Variants in NRIP1 observed in about 807,000 individuals in gnomAD.
The protein encoded by NRIP1 is nuclear receptor interacting protein 1.
NRIP1 carries 28 observed loss-of-function variants against 75.0 expected under a neutral mutation model. The ratio of observed to expected loss-of-function variants is 0.37; its 90% CI spans 0.28 to 0.51. The LOEUF is 0.51. Among genes scored for constraint, NRIP1 ranks in the 20% least tolerant of loss-of-function variants. The pLI is 0.92. For missense variants in NRIP1, 1,435 were observed against 1,343.7 expected (o/e 1.07, Z -1.06); for synonymous variants, 526 against 487.6 (o/e 1.08, Z -1.04).
intron 2 of NRIP1, among the ~76,000 whole-genome samples, chr21:15,022,728 T>C (rs2088408678): frequency 6.6e-6 from 1 of 152,202 alleles, no homozygotes; most frequent in African/African-American, 2.4e-5. Context: ...TAAAATGCAG[T>C]GTAGCCACTA....
chr21:15,004,879 C>T (rs754446434), intron 3 of NRIP1, among the ~76,000 whole-genome samples: 2 of 152,120 alleles, frequency 1.3e-5, no homozygotes, highest in Admixed American at 6.5e-5. Context: ...AATAAAGAAG[C>T]ACTTTACTCA....
intron 3 of NRIP1, among the ~76,000 whole-genome samples, chr21:15,012,839 C>G (rs2088140696): frequency 6.6e-6 from 1 of 152,060 alleles, no homozygotes; most frequent in Admixed American, 6.5e-5. Flanking sequence ...AGATGGCTAC[C>G]TATAATTTAC....
intron 3 of NRIP1, among the ~76,000 whole-genome samples, chr21:14,994,452 C>G (rs1024740709): frequency 2.0e-5 from 3 of 151,994 alleles, no homozygotes; most frequent in African/African-American, 7.2e-5. Flanking sequence ...TGAGTGCTAT[C>G]TAACTTTTTT....
intron 1 of NRIP1, among the ~76,000 whole-genome samples, chr21:15,055,926 C>T (rs118052084): frequency 0.026 from 3,977 of 151,356 alleles, 78 homozygotes; most frequent in Non-Finnish European, 0.039. Context: ...TCACATGGAT[C>T]CCCTGGCAAT....
At chr21:15,008,735 A>G (rs1191694962) in intron 3 of NRIP1, among the ~76,000 whole-genome samples, 7 of 152,256 alleles carry the variant, frequency 4.6e-5, no homozygotes. Context: ...GTGAATTGCC[A>G]TAATACAGCA....
At chr21:14,969,451 A>G (rs530794570) in intron 3 of NRIP1, among the ~76,000 whole-genome samples, 10 of 152,220 alleles carry the variant, frequency 6.6e-5, no homozygotes, top group Non-Finnish European at 1.5e-4. Flanking sequence ...ATTATCTAAG[A>G]AGAGACCAAA....
intron 1 of NRIP1, among the ~76,000 whole-genome samples, chr21:15,045,903 C>A (rs918036408): frequency 2.6e-5 from 4 of 152,182 alleles, no homozygotes; most frequent in Non-Finnish European, 5.9e-5. Flanking sequence ...ACTCCTCATC[C>A]GTCCATGTTT....
rs2086626526 is a variant in NRIP1 at position 14,962,820 on chromosome 21, T to C, written c.*1896A>G. On this transcript the variant is annotated 3_prime_UTR_variant, in exon 4 of 4. Coordinates refer to ENST00000318948, the MANE Select transcript of NRIP1 (RefSeq NM_003489.4). ...AATAACCATTTAGGGTTTTAGATCATATTAGGAAATCACACCTATTTTTAA... is the reference window on the plus strand; with the variant it reads ...AATAACCATTTAGGGTTTTAGATCACATTAGGAAATCACACCTATTTTTAA... 1 of 152,622 alleles carries C rather than the reference T, an allele frequency of 6.6e-6. No individual in the cohort carries two copies. The highest frequency in any genetic ancestry group is 1.9e-4 in the East Asian group (1 of 5,188). The allele number at this position is 152,622 out of a possible 1,614,324, so 9.5% of individuals were successfully genotyped here. A position where few individuals can be genotyped will look rare whatever the true frequency, so the allele number is the denominator to read the frequency against.
At chr21:15,029,888 A>T (rs944876379) in intron 2 of NRIP1, among the ~76,000 whole-genome samples, 3 of 152,230 alleles carry the variant, frequency 2.0e-5, no homozygotes, top group Non-Finnish European at 4.4e-5. Context: ...GAGAGTCTGC[A>T]GAGATGAGCA....
At chr21:14,978,429 A>G (rs1261013169) in intron 3 of NRIP1, among the ~76,000 whole-genome samples, 1 of 152,210 alleles carries the variant, frequency 6.6e-6, no homozygotes, top group Non-Finnish European at 1.5e-5. Context: ...TAATGCCCCA[A>G]AAGGTATCTA....
intron 3 of NRIP1, among the ~76,000 whole-genome samples, chr21:14,968,867 CCTTTATAG>C (rs1175116403): frequency 1.3e-5 from 2 of 152,142 alleles, no homozygotes; most frequent in African/African-American, 4.8e-5. Context: ...TGTTCAGTCT[CCTTTATAG>C]CTTTATAGCT....
intron 1 of NRIP1, among the ~76,000 whole-genome samples, chr21:15,055,140 CTTAT>C (rs2089279573): frequency 6.6e-6 from 1 of 152,136 alleles, no homozygotes; most frequent in African/African-American, 2.4e-5. Flanking sequence ...GCCCCCTCAT[CTTAT>C]TTGTTACCTT....
At chr21:15,013,522 G>C (rs1388498929) in intron 3 of NRIP1, among the ~76,000 whole-genome samples, 1 of 152,082 alleles carries the variant, frequency 6.6e-6, no homozygotes, top group Non-Finnish European at 1.5e-5. Flanking sequence ...AGATGAAACT[G>C]AACTATTCAC....
rs1290992794 is a variant in NRIP1, at chr21:15,030,177, G to C, written c.-458+13318C>G. Among the ~76,000 whole-genome samples the C allele has an allele frequency of 4.6e-5, 7 of 152,346 alleles. No individual in the cohort carries two copies. The East Asian group carries it at 7.7e-4, about 17-fold the overall frequency. On this transcript the variant is annotated intron_variant, in intron 2 of 3. Transcript: ENST00000318948. ...GGAGTGACATCACCAAGTCACTCAAGATGGCAGAGTAGAAAACAGAAAATA... is the reference window on the plus strand; with the variant it reads ...GGAGTGACATCACCAAGTCACTCAACATGGCAGAGTAGAAAACAGAAAATA...
At position 14,992,622 on chromosome 21, in the gene NRIP1, G is replaced by T. The variant is rs367940281; in HGVS notation, c.-335+21722C>A. 9 of 151,856 alleles carry T rather than the reference G, an allele frequency of 5.9e-5. No individual in the cohort carries two copies. The East Asian group carries it at 1.7e-3, about 29-fold the overall frequency. 9.4% of individuals were successfully genotyped at this position (151,856 alleles called of 1,614,324 possible). On this transcript the variant is annotated intron_variant, in intron 3 of 3. Coordinates refer to ENST00000318948, the MANE Select transcript of NRIP1 (RefSeq NM_003489.4). ...CAAGTAAGATGTCCTCCCGCTCACT[G>T]CCCCCCAGAAATACGTATACTGTAG...
chr21:15,039,466 T>A (rs1400283084), intron 2 of NRIP1, among the ~76,000 whole-genome samples: 1 of 152,146 alleles, frequency 6.6e-6, no homozygotes, highest in Non-Finnish European at 1.5e-5. Context: ...AAACCCAATT[T>A]GGTGGCAAAA....
intron 3 of NRIP1, among the ~76,000 whole-genome samples, chr21:14,978,933 C>G (rs2087154905): frequency 6.6e-6 from 1 of 152,186 alleles, no homozygotes; most frequent in South Asian, 2.1e-4. Flanking sequence ...GTACTTCACT[C>G]TGTCTTGAAA....
At chr21:14,973,240 G>A (rs933855005) in intron 3 of NRIP1, among the ~76,000 whole-genome samples, 2 of 150,160 alleles carry the variant, frequency 1.3e-5, no homozygotes, top group Non-Finnish European at 3.0e-5. Context: ...ACCAAAGGAA[G>A]TAAAAATACT....
chr21:15,012,651 C>A (rs940067071), intron 3 of NRIP1, among the ~76,000 whole-genome samples: 7 of 151,930 alleles, frequency 4.6e-5, no homozygotes, highest in African/African-American at 1.7e-4. Context: ...CAGGGTTTCA[C>A]CATACTGGTC....
Sources: gnomAD v4.1 joint callset for allele counts (sites outside exome capture counted in the v4.1 genomes callset) on GRCh38, gnomAD v4.1.1 for gene constraint, MANE v1.5 for transcripts, NCBI Gene and HGNC (gene_info 2026-07-23, HGNC 2026-07-21) for gene names.